Variants in ADGRB3 observed in about 807,000 individuals in gnomAD.
ADGRB3 encodes brain-specific angiogenesis inhibitor 3.
Under a neutral mutation model 193.4 loss-of-function variants are expected in ADGRB3, and 37 were observed. The ratio of observed to expected loss-of-function variants is 0.19; its 90% CI spans 0.15 to 0.25. The LOEUF (loss-of-function observed/expected upper bound fraction) is 0.25. ADGRB3 is among the 10% of genes least tolerant of loss of function. The probability of loss-of-function intolerance (pLI) is 1.00; values close to 1 mark genes in which losing one functional copy is unlikely to be tolerated. For missense variants in ADGRB3, 1,637 were observed against 1,852.9 expected (o/e 0.88, Z 2.14); for synonymous variants, 690 against 644.2 (o/e 1.07, Z -1.08).
chr6:68,735,793 A>C, intron 3 of ADGRB3, among the ~76,000 whole-genome samples: 1 of 152,114 alleles, frequency 6.6e-6, no homozygotes, highest in African/African-American at 2.4e-5. Context: ...ATTAGCAGCA[A>C]ATTCCTAATA....
At chr6:69,093,641 G>A (rs1050178744) in intron 17 of ADGRB3, among the ~76,000 whole-genome samples, 1 of 145,290 alleles carries the variant, frequency 6.9e-6, no homozygotes, top group Non-Finnish European at 1.5e-5. Context: ...GGGAGCCCAG[G>A]ATCTAGGGAG....
intron 3 of ADGRB3, among the ~76,000 whole-genome samples, chr6:68,702,014 G>C (rs375834708): frequency 6.6e-6 from 1 of 152,152 alleles, no homozygotes; most frequent in Non-Finnish European, 1.5e-5. Flanking sequence ...GTATTAGGCT[G>C]TTCTTGCTCT....
At chr6:69,248,770 G>A (rs1210303769) in intron 20 of ADGRB3, among the ~76,000 whole-genome samples, 1 of 152,160 alleles carries the variant, frequency 6.6e-6, no homozygotes, top group Non-Finnish European at 1.5e-5. Flanking sequence ...AGTATCTTAT[G>A]TGCATACCAA....
At chr6:68,809,345 C>A (rs1053407460) in intron 3 of ADGRB3, among the ~76,000 whole-genome samples, 1 of 152,032 alleles carries the variant, frequency 6.6e-6, no homozygotes, top group Non-Finnish European at 1.5e-5. Flanking sequence ...CTGAAGCACA[C>A]AAATTATTTT....
chr6:68,736,163 C>T (rs1765866857), intron 3 of ADGRB3, among the ~76,000 whole-genome samples: 1 of 148,170 alleles, frequency 6.7e-6, no homozygotes, highest in African/African-American at 2.5e-5. Context: ...TAGGCACTTG[C>T]CAACATGACT....
intron 3 of ADGRB3, among the ~76,000 whole-genome samples, chr6:68,672,442 T>C (rs1415221340): frequency 6.6e-6 from 1 of 152,042 alleles, no homozygotes; most frequent in African/African-American, 2.4e-5. Context: ...CTGTATCTCA[T>C]TGGTTTTTAT....
At chr6:68,682,733 G>GACACATAA (rs1561993303) in intron 3 of ADGRB3, among the ~76,000 whole-genome samples, 1 of 151,524 alleles carries the variant, frequency 6.6e-6, no homozygotes, top group Non-Finnish European at 1.5e-5. Context: ...AATGACAGAG[G>GACACATAA]ACACATAAGG....
At chr6:68,674,864 A>G (rs1231623364) in intron 3 of ADGRB3, among the ~76,000 whole-genome samples, 1 of 152,200 alleles carries the variant, frequency 6.6e-6, no homozygotes, top group African/African-American at 2.4e-5. Context: ...TCCAAATCGT[A>G]TGTTTTTCTA....
chr6:68,746,154 T>G (rs998623777), intron 3 of ADGRB3, among the ~76,000 whole-genome samples: 2 of 152,148 alleles, frequency 1.3e-5, no homozygotes, highest in African/African-American at 4.8e-5. Flanking sequence ...TCTGGTATAC[T>G]CTTGCCAACG....
intron 3 of ADGRB3, among the ~76,000 whole-genome samples, chr6:68,783,540 A>T (rs149949263): frequency 1.3e-5 from 2 of 151,752 alleles, no homozygotes; most frequent in South Asian, 4.2e-4. Context: ...GAATATCAGT[A>T]TCAACACTGT....
chr6:69,300,225 T>C (rs1225485765), intron 20 of ADGRB3, among the ~76,000 whole-genome samples: 1 of 151,814 alleles, frequency 6.6e-6, no homozygotes, highest in East Asian at 1.9e-4. Context: ...AACTATATGA[T>C]CATCTCAATA....
chr6:69,235,182 T>C, intron 19 of ADGRB3, 47 bp downstream of exon 19: 3 of 1,360,370 alleles, frequency 2.2e-6, no homozygotes, highest in African/African-American at 2.9e-5. Context: ...TAGTTGTTCA[T>C]AGTTAAATCA....
intron 17 of ADGRB3, among the ~76,000 whole-genome samples, chr6:69,106,894 ACT>A (rs749932601): frequency 7.2e-5 from 11 of 152,138 alleles, no homozygotes; most frequent in Non-Finnish European, 1.2e-4. Context: ...GTAATTCCTG[ACT>A]CTGTGCATAT....
intron 17 of ADGRB3, among the ~76,000 whole-genome samples, chr6:69,114,149 T>C (rs2150326783): frequency 6.6e-6 from 1 of 152,276 alleles, no homozygotes. Flanking sequence ...ATGTCCTAAG[T>C]CCTTCACATT....
intron 17 of ADGRB3, among the ~76,000 whole-genome samples, chr6:69,211,705 T>G (rs1487421730): frequency 6.6e-6 from 1 of 152,174 alleles, no homozygotes; most frequent in Non-Finnish European, 1.5e-5. Context: ...GCCAGAGACT[T>G]TTACAGCTAT....
At chr6:69,178,896 C>A (rs73467785) in intron 17 of ADGRB3, among the ~76,000 whole-genome samples, 3,301 of 152,196 alleles carry the variant, frequency 0.022, 122 homozygotes, top group African/African-American at 0.071. Flanking sequence ...TATTGTTGAT[C>A]TTAGATAGCC....
intron 3 of ADGRB3, among the ~76,000 whole-genome samples, chr6:68,751,619 C>T (rs1367632847): frequency 6.6e-6 from 1 of 151,890 alleles, no homozygotes; most frequent in Non-Finnish European, 1.5e-5. Flanking sequence ...GAGCATTTTG[C>T]CCTCAAATAA....
chr6:69,382,079 C>T (rs967203850), intron 30 of ADGRB3, among the ~76,000 whole-genome samples: 2 of 151,816 alleles, frequency 1.3e-5, no homozygotes, highest in African/African-American at 4.8e-5. Context: ...TATTTGACTC[C>T]ATTTGTTGAG....
At chr6:68,842,523 A>G (rs1768178844) in intron 3 of ADGRB3, among the ~76,000 whole-genome samples, 1 of 152,014 alleles carries the variant, frequency 6.6e-6, no homozygotes, top group South Asian at 2.1e-4. Flanking sequence ...AGGCCATAAG[A>G]AAAGGCCTCC....
Sources: allele counts gnomAD v4.1 joint callset (sites outside exome capture counted in the v4.1 genomes callset), GRCh38; gene constraint gnomAD v4.1.1; transcripts MANE v1.5; gene names NCBI Gene and HGNC (gene_info 2026-07-23, HGNC 2026-07-21).